GALNT13: variants seen among roughly 807,000 people sequenced by gnomAD.
GALNT13 encodes the protein polypeptide N-acetylgalactosaminyltransferase 13, also known as UDP-GalNAc:polypeptide N-acetylgalactosaminyltransferase 13.
A neutral mutation model predicts 64.2 loss-of-function variants in GALNT13; 28 were observed. The observed-to-expected ratio is 0.44, with a 90% CI of 0.32 to 0.60. The LOEUF (loss-of-function observed/expected upper bound fraction) is 0.60. Ranked by LOEUF, GALNT13 falls within the 20% of genes least tolerant of loss-of-function variation. The probability of loss-of-function intolerance (pLI) is 0.05; values close to 1 mark genes in which losing one functional copy is unlikely to be tolerated. For synonymous variants in GALNT13, 214 were observed against 224.6 expected (o/e 0.95, Z 0.42); for missense variants, 577 against 669.8 (o/e 0.86, Z 1.53).
chr2:154,172,924 T>C lies in GALNT13; in HGVS notation c.311+32419T>C, dbSNP rs569906269. Among the ~76,000 whole-genome samples the C allele has an allele frequency of 3.3e-5, 5 of 152,044 alleles. No individual in the cohort carries two copies. The East Asian group carries it at 9.7e-4, about 29-fold the overall frequency. ...AAAGCAATTTATGGATTCACTGCAATCCCTATCAAAATACCAATGGCATTA... is the reference window on the plus strand; with the variant it reads ...AAAGCAATTTATGGATTCACTGCAACCCCTATCAAAATACCAATGGCATTA... On this transcript the variant is annotated intron_variant, in intron 4 of 12. Transcript: ENST00000392825.
chr2:153,715,935 G>T, the GALNT13 span, among the ~76,000 whole-genome samples: 34 of 151,968 alleles, frequency 2.2e-4, no homozygotes, highest in African/African-American at 7.7e-4. Flanking sequence ...AGGGAAGAGG[G>T]CCAGGACACA....
chr2:154,211,617 A>G (rs1687768718), intron 4 of GALNT13, among the ~76,000 whole-genome samples: 1 of 134,122 alleles, frequency 7.5e-6, no homozygotes, highest in Non-Finnish European at 1.6e-5. Flanking sequence ...AACAAGAGCG[A>G]AACTCCATCT....
intron 1 of GALNT13, among the ~76,000 whole-genome samples, chr2:153,892,447 A>G (rs981725720): frequency 1.7e-4 from 26 of 151,984 alleles, no homozygotes; most frequent in African/African-American, 6.0e-4. Flanking sequence ...AATAAAACCC[A>G]TTTCTTCCAT....
chr2:153,788,812 C>A, the GALNT13 span, among the ~76,000 whole-genome samples: 1 of 151,820 alleles, frequency 6.6e-6, no homozygotes, highest in Admixed American at 6.6e-5. Context: ...TAACTTCAGA[C>A]AAAACAGACT....
At chr2:154,170,522 C>T (rs561647272) in intron 4 of GALNT13, among the ~76,000 whole-genome samples, 1 of 152,222 alleles carries the variant, frequency 6.6e-6, no homozygotes, top group East Asian at 1.9e-4. Context: ...TGCTCTTTTA[C>T]TCCCCAAAGA....
At chr2:153,073,537 T>A in the GALNT13 span, among the ~76,000 whole-genome samples, 1 of 152,036 alleles carries the variant, frequency 6.6e-6, no homozygotes, top group Non-Finnish European at 1.5e-5. Flanking sequence ...ATTCAATAAT[T>A]GTCAACTCAT....
the GALNT13 span, among the ~76,000 whole-genome samples, chr2:153,812,014 C>T: frequency 6.6e-6 from 1 of 152,200 alleles, no homozygotes; most frequent in Admixed American, 6.5e-5. Flanking sequence ...CTTTAGCCAT[C>T]ACCTAGATCA....
At chr2:153,203,282 A>T in the GALNT13 span, among the ~76,000 whole-genome samples, 1 of 152,198 alleles carries the variant, frequency 6.6e-6, no homozygotes, top group Non-Finnish European at 1.5e-5. Context: ...GTCTTCTACA[A>T]TTTCTGGGAA....
the GALNT13 span, among the ~76,000 whole-genome samples, chr2:153,739,869 T>C: frequency 6.6e-6 from 1 of 151,706 alleles, no homozygotes; most frequent in East Asian, 1.9e-4. Flanking sequence ...AGGTTTAGGC[T>C]AGATTCTATC....
the GALNT13 span, among the ~76,000 whole-genome samples, chr2:153,444,130 T>C: frequency 6.6e-6 from 1 of 152,182 alleles, no homozygotes; most frequent in Non-Finnish European, 1.5e-5. Flanking sequence ...CATCTATCTA[T>C]CCATTTATTC....
At chr2:154,365,165 T>G (rs1232322481) in intron 9 of GALNT13, among the ~76,000 whole-genome samples, 2 of 152,210 alleles carry the variant, frequency 1.3e-5, no homozygotes, top group Non-Finnish European at 2.9e-5. Flanking sequence ...ATTAACTTCA[T>G]AGAGGCTTTA....
At chr2:154,101,153 T>TTTGTTGTTGTTG (rs143375745) in intron 3 of GALNT13, among the ~76,000 whole-genome samples, 1 of 151,082 alleles carries the variant, frequency 6.6e-6, no homozygotes, top group Admixed American at 6.6e-5. Context: ...CAGGGATATT[T>TTTGTTGTTGTTG]TTGTTGTTGT....
the GALNT13 span, among the ~76,000 whole-genome samples, chr2:153,253,612 A>T: frequency 4.6e-5 from 7 of 150,602 alleles, no homozygotes; most frequent in Non-Finnish European, 1.0e-4. Context: ...GGTCTGTCAT[A>T]GATAGCTCTT....
At chr2:153,907,320 TAC>T (rs766571133) in intron 2 of GALNT13, among the ~76,000 whole-genome samples, 3 of 151,648 alleles carry the variant, frequency 2.0e-5, no homozygotes, top group Non-Finnish European at 4.4e-5. Context: ...ATTATATATA[TAC>T]ACACACACAT....
At chr2:154,014,587 G>T (rs75917594) in intron 3 of GALNT13, among the ~76,000 whole-genome samples, 2 of 78,770 alleles carry the variant, frequency 2.5e-5, no homozygotes, top group Non-Finnish European at 2.9e-5. Flanking sequence ...GTTTTTTTTT[G>T]TTGTTGTTGT....
At chr2:153,609,974 C>T in the GALNT13 span, among the ~76,000 whole-genome samples, 1 of 152,040 alleles carries the variant, frequency 6.6e-6, no homozygotes, top group African/African-American at 2.4e-5. Context: ...TTTATTTGTG[C>T]ACTACACAGA....
chr2:154,330,388 G>A lies in GALNT13; in HGVS notation c.1156+28799G>A, dbSNP rs1268423264. Among the ~76,000 whole-genome samples, 3 of 152,086 alleles carry A rather than the reference G, an allele frequency of 2.0e-5. 1 individual carries two copies. The highest frequency in any genetic ancestry group is 2.0e-4 in the Admixed American group (3 of 15,254). On this transcript the variant is annotated intron_variant, in intron 9 of 12. Transcript: ENST00000392825. Reference sequence around the variant, plus strand: ...GCCTTCTTCCACAGCCAGGGAACGAGAGAACCACAAAGGCAATGAAACAAA... The same window carrying A: ...GCCTTCTTCCACAGCCAGGGAACGAAAGAACCACAAAGGCAATGAAACAAA...
intron 4 of GALNT13, among the ~76,000 whole-genome samples, chr2:154,198,229 G>A (rs1686980548): frequency 6.6e-6 from 1 of 152,080 alleles, no homozygotes; most frequent in Non-Finnish European, 1.5e-5. Context: ...ATTCAGAGCA[G>A]TGAGTAACTA....
the GALNT13 span, among the ~76,000 whole-genome samples, chr2:153,105,532 G>T: frequency 1.3e-5 from 2 of 152,124 alleles, no homozygotes; most frequent in African/African-American, 2.4e-5. Context: ...GGGAAATCAG[G>T]CAGGAGAAGG....
Sources: gnomAD v4.1 joint callset for allele counts (sites outside exome capture counted in the v4.1 genomes callset) on GRCh38, gnomAD v4.1.1 for gene constraint, MANE v1.5 for transcripts, NCBI Gene and HGNC (gene_info 2026-07-23, HGNC 2026-07-21) for gene names.